The following GLCCI1 variants were observed in gnomAD, a reference collection of about 807,000 sequenced individuals.
GLCCI1 encodes the protein glucocorticoid-induced transcript 1 protein.
A neutral mutation model predicts 52.2 loss-of-function variants in GLCCI1; 24 were observed. The ratio of observed to expected loss-of-function variants is 0.46; its 90% confidence interval spans 0.33 to 0.65. GLCCI1 has a LOEUF of 0.65. Ranked by LOEUF, GLCCI1 falls within the 30% of genes least tolerant of loss-of-function variation. The pLI is 0.02. For synonymous variants in GLCCI1, 310 were observed against 276.5 expected (o/e 1.12, Z -1.20); for missense variants, 704 against 701.5 (o/e 1.00, Z -0.04).
chr7:8,017,042 A>G (rs1287151138), intron 2 of GLCCI1, among the ~76,000 whole-genome samples: 2 of 152,214 alleles, frequency 1.3e-5, no homozygotes, highest in African/African-American at 4.8e-5. Flanking sequence ...AGTCAGAGGT[A>G]GTTATTGTGT....
At chr7:8,060,809 A>T (rs1348055766) in intron 5 of GLCCI1, among the ~76,000 whole-genome samples, 1 of 152,208 alleles carries the variant, frequency 6.6e-6, no homozygotes, top group Non-Finnish European at 1.5e-5. Flanking sequence ...GTGTGAACAT[A>T]CTGTTTGCAT....
intron 3 of GLCCI1, among the ~76,000 whole-genome samples, chr7:8,043,267 TGTG>T (rs961325009): frequency 2.0e-5 from 3 of 152,092 alleles, no homozygotes; most frequent in Non-Finnish European, 4.4e-5. Flanking sequence ...TTTTATTTCT[TGTG>T]GTGGTCTGGA....
chr7:8,052,693 TG>T (rs559483781), intron 3 of GLCCI1, among the ~76,000 whole-genome samples: 387 of 152,350 alleles, frequency 2.5e-3, no homozygotes, highest in African/African-American at 8.7e-3. Flanking sequence ...CTACCTCTGA[TG>T]GTTGTGCTTG....
At chr7:7,971,963 C>A (rs1189699543) in intron 1 of GLCCI1, among the ~76,000 whole-genome samples, 2 of 152,080 alleles carry the variant, frequency 1.3e-5, no homozygotes, top group Admixed American at 1.3e-4. Flanking sequence ...TTTTTGAATG[C>A]GGGCTTCTGT....
intron 1 of GLCCI1, among the ~76,000 whole-genome samples, chr7:7,979,602 T>C (rs946425906): frequency 6.6e-6 from 1 of 152,218 alleles, no homozygotes; most frequent in African/African-American, 2.4e-5. Context: ...TATAATATTA[T>C]ACTATAGTTT....
At chr7:8,071,847 T>C (rs1447762138) in intron 6 of GLCCI1, among the ~76,000 whole-genome samples, 1 of 152,192 alleles carries the variant, frequency 6.6e-6, no homozygotes, top group Non-Finnish European at 1.5e-5. Flanking sequence ...TTATAACAAA[T>C]TTACTGCTTG....
chr7:7,974,690 A>T (rs13222718), intron 1 of GLCCI1, among the ~76,000 whole-genome samples: 16,655 of 152,190 alleles, frequency 0.11, 1,200 homozygotes, highest in African/African-American at 0.2. Flanking sequence ...AATTTTAAAA[A>T]ATTCTAAAAG....
At chr7:7,982,916 G>C (rs1264012788) in intron 1 of GLCCI1, among the ~76,000 whole-genome samples, 3 of 152,106 alleles carry the variant, frequency 2.0e-5, no homozygotes, top group African/African-American at 7.2e-5. Flanking sequence ...CATGTGCTAT[G>C]AGTATCTTCA....
intron 1 of GLCCI1, among the ~76,000 whole-genome samples, chr7:7,983,327 C>A (rs896796037): frequency 6.6e-6 from 1 of 152,038 alleles, no homozygotes; most frequent in South Asian, 2.1e-4. Flanking sequence ...AAATATTATT[C>A]TATTATTGAA....
chr7:8,059,999 C>A, intron 4 of GLCCI1, 97 bp from the exon 5 acceptor site: 1 of 1,027,016 alleles, frequency 9.7e-7, no homozygotes, highest in Non-Finnish European at 1.4e-6. Context: ...GAAATAACTC[C>A]GTTCATTGAG....
intron 3 of GLCCI1, among the ~76,000 whole-genome samples, chr7:8,023,840 C>G (rs1361774451): frequency 6.6e-6 from 1 of 151,910 alleles, no homozygotes; most frequent in African/African-American, 2.4e-5. Flanking sequence ...CTTAAGCGAT[C>G]TGCCCACCTC....
intron 1 of GLCCI1, chr7:7,982,139 C>T (rs559058516): frequency 2.4e-5 from 9 of 377,250 alleles, no homozygotes; most frequent in African/African-American, 1.3e-4. Context: ...ATCCAAATAC[C>T]AGACATCTTT....
intron 6 of GLCCI1, among the ~76,000 whole-genome samples, chr7:8,073,891 T>C (rs1233297279): frequency 6.6e-6 from 1 of 152,224 alleles, no homozygotes; most frequent in Non-Finnish European, 1.5e-5. Context: ...ATCAAGTTGA[T>C]GTTACTACTC....
At chr7:8,069,248 C>T (rs1184930514) in intron 5 of GLCCI1, among the ~76,000 whole-genome samples, 1 of 152,146 alleles carries the variant, frequency 6.6e-6, no homozygotes, top group Middle Eastern at 3.4e-3. Context: ...TGCTGCCAGT[C>T]GGTGTGATTG....
chr7:8,055,334 GA>G, intron 3 of GLCCI1, 98 bp from the exon 4 acceptor site: 1 of 601,140 alleles, frequency 1.7e-6, no homozygotes, highest in Non-Finnish European at 2.8e-6. Flanking sequence ...TTAGAAACTT[GA>G]AAATGTTTTA....
intron 1 of GLCCI1, chr7:7,981,739 G>A (rs540021565): frequency 1.4e-5 from 4 of 285,124 alleles, no homozygotes; most frequent in Middle Eastern, 1.3e-3. Context: ...AGGAAAAAGT[G>A]GGAAATACAC....
intron 3 of GLCCI1, among the ~76,000 whole-genome samples, chr7:8,046,082 A>G (rs1218774055): frequency 6.6e-6 from 1 of 152,240 alleles, no homozygotes; most frequent in Non-Finnish European, 1.5e-5. Flanking sequence ...TCTTGTAACA[A>G]AATTTGATAA....
intron 1 of GLCCI1, among the ~76,000 whole-genome samples, chr7:7,977,786 A>G (rs1780525559): frequency 6.6e-6 from 1 of 152,216 alleles, no homozygotes; most frequent in South Asian, 2.1e-4. Flanking sequence ...ATCCAATATA[A>G]GGTACTTTTA....
At chr7:8,069,419 T>TGCAGTG (rs769958845) in intron 5 of GLCCI1, among the ~76,000 whole-genome samples, 26 of 152,046 alleles carry the variant, frequency 1.7e-4, no homozygotes, top group African/African-American at 4.1e-4. Context: ...GCAGTACCAC[T>TGCAGTG]GCAGTGGCAG....
Sources: allele counts gnomAD v4.1 joint callset (sites outside exome capture counted in the v4.1 genomes callset), GRCh38; gene constraint gnomAD v4.1.1; transcripts MANE v1.5; gene names NCBI Gene and HGNC (gene_info 2026-07-23, HGNC 2026-07-21).